ZNF226: variants seen among roughly 807,000 people sequenced by gnomAD.
ZNF226 encodes zinc finger protein 226.
ZNF226 carries 6 observed loss-of-function variants against 11.4 expected under a neutral mutation model. The ratio of observed to expected loss-of-function variants is 0.53; its 90% CI spans 0.29 to 1.04. The LOEUF is 1.04. Ranked by LOEUF, ZNF226 falls within the 50% of genes least tolerant of loss-of-function variation. The pLI is 0.08. For missense variants in ZNF226, 1,058 were observed against 956.5 expected, an observed-to-expected ratio of 1.11 and a Z score of -1.40; for synonymous variants, 350 against 322.8, an observed-to-expected ratio of 1.08 and a Z score of -0.90.
Position 44,170,067 on chromosome 19 carries a change from A to C in ZNF226, c.-14A>C. 1.9e-6 allele frequency: 3 copies of C among 1,611,166 alleles called. No homozygotes were observed. Among genetic ancestry groups the C allele is most frequent in the Non-Finnish European group, 2.5e-6 (3 of 1,178,550 alleles). On this transcript the variant is annotated 5_prime_UTR_variant, in exon 3 of 6. Transcript: ENST00000337433. The stretch of plus-strand genomic sequence containing the variant: ...TCTTAGGACTCTGCACTTCCCCAGA[A>C]GGAAGAATTAAAAATGAATATGTTC...
intron 2 of ZNF226, chr19:44,169,525 G>A (rs1969827445): frequency 6.6e-6 from 1 of 152,200 alleles, no homozygotes; most frequent in African/African-American, 2.4e-5. Flanking sequence ...ATATTTTTAA[G>A]GATAATTTCA....
At chr19:44,170,006 TTTTGA>T (rs1299938258) in intron 2 of ZNF226, 24 bp from the exon 3 acceptor site, 3 of 1,518,042 alleles carry the variant, frequency 2.0e-6, no homozygotes, top group African/African-American at 2.8e-5. Flanking sequence ...ACTTACCCAG[TTTTGA>T]TTTATTTCTC....
downstream of ZNF226, among the ~76,000 whole-genome samples, chr19:44,180,388 C>T (rs1304798877): frequency 6.6e-6 from 1 of 152,158 alleles, no homozygotes; most frequent in African/African-American, 2.4e-5. Flanking sequence ...GATTACAATT[C>T]CTGTTGTTCC....
chr19:44,171,364 C>T (rs919029975), intron 3 of ZNF226, among the ~76,000 whole-genome samples: 2 of 152,164 alleles, frequency 1.3e-5, no homozygotes, highest in East Asian at 3.8e-4. Flanking sequence ...GAGCTAGATT[C>T]TGTCTTCCCC....
chr19:44,174,300 G>C (rs1217645565), intron 5 of ZNF226: 1 of 152,232 alleles, frequency 6.6e-6, no homozygotes, highest in Non-Finnish European at 1.5e-5. Context: ...ATATTCATTC[G>C]GGGAGGGAAT....
At chr19:44,179,946 G>A (rs1027169087), downstream of ZNF226, among the ~76,000 whole-genome samples, 1 of 151,784 alleles carries the variant, frequency 6.6e-6, no homozygotes, top group Non-Finnish European at 1.5e-5. Flanking sequence ...AACTAGTCGG[G>A]TGAGGTGATG....
chr19:44,189,842 G>A, the ZNF226 span, among the ~76,000 whole-genome samples: 98 of 152,328 alleles, frequency 6.4e-4, 5 homozygotes, highest in East Asian at 0.012. Flanking sequence ...AATGTCTCTC[G>A]TTATAGCATC....
the ZNF226 span, among the ~76,000 whole-genome samples, chr19:44,191,924 G>C: frequency 1.3e-5 from 2 of 152,150 alleles, no homozygotes; most frequent in Non-Finnish European, 2.9e-5. Flanking sequence ...AAAACCCCTT[G>C]TGATTGCTTC....
In ZNF226 at chr19:44,172,221, A is replaced by G; in HGVS notation, c.142+7A>G. Reference sequence around the variant, plus strand: ...AGGAACCTGCTGTCAGTGGGTGAGGACAGCCTCCCTCTGGAATATCTTTGT... The same window carrying G: ...AGGAACCTGCTGTCAGTGGGTGAGGGCAGCCTCCCTCTGGAATATCTTTGT... On this transcript the variant is annotated splice_region_variant and intron_variant, in intron 4 of 5. Transcript: ENST00000337433. The G allele has an allele frequency of 6.2e-7, 1 of 1,609,404 alleles. No homozygotes were observed. Among genetic ancestry groups the G allele is most frequent in the Non-Finnish European group, 8.5e-7 (1 of 1,177,148 alleles).
Position 44,176,133 on chromosome 19 carries a change from T to TA in ZNF226, c.872dup (p.Tyr291Ter), listed in dbSNP as rs1412001046. Reference protein sequence around the residue: ...TCVERGKGFCYSPVLPVHQKV... With the variant: ...TCVERGKGFC ...TGTTGAGCGTGGAAAAGGCTTCTGT[T>TA]ACAGCCCAGTTCTTCCTGTTCATCA... The change falls in exon 6 of 6, where the codon TAC becomes TAAC. Residue 291 changes from tyrosine (Y) to a stop codon, truncating the protein, a stop_gained and frameshift_variant. Transcript: ENST00000337433. LOFTEE classifies it low-confidence loss of function (END_TRUNC). The TA allele has an allele frequency of 1.2e-6, 2 of 1,614,058 alleles. No individual in the cohort carries two copies. The highest frequency in any genetic ancestry group is 1.7e-6 in the Non-Finnish European group (2 of 1,180,028).
the ZNF226 span, among the ~76,000 whole-genome samples, chr19:44,190,792 C>T: frequency 6.6e-6 from 1 of 152,060 alleles, no homozygotes; most frequent in Non-Finnish European, 1.5e-5. Flanking sequence ...CAAGGAGGTA[C>T]AGATTCATAC....
intron 5 of ZNF226, 62 bp from the exon 6 acceptor site, chr19:44,175,436 G>C (rs1970585583): frequency 6.6e-7 from 1 of 1,518,232 alleles, no homozygotes; most frequent in Admixed American, 2.3e-5. Context: ...TGTCCTCAGT[G>C]TGAAATCTTA....
At chr19:44,173,974 A>G (rs1400493267) in intron 5 of ZNF226, 5 of 152,218 alleles carry the variant, frequency 3.3e-5, no homozygotes, top group Non-Finnish European at 7.3e-5. Context: ...GAATAGTCCT[A>G]GTATATGGCA....
chr19:44,170,639 C>T (rs1568565157), intron 3 of ZNF226, among the ~76,000 whole-genome samples: 1 of 152,186 alleles, frequency 6.6e-6, no homozygotes, highest in Non-Finnish European at 1.5e-5. Context: ...GAGGCTGAGG[C>T]AGGAGAATGG....
downstream of ZNF226, among the ~76,000 whole-genome samples, chr19:44,181,217 A>G (rs1471879758): frequency 6.6e-6 from 1 of 152,084 alleles, no homozygotes; most frequent in Non-Finnish European, 1.5e-5. Context: ...TGTCTCTCCA[A>G]AAAAAGTTTT....
Position 44,169,999 on chromosome 19 carries a change from T to TA in ZNF226, c.-46-35dup, listed in dbSNP as rs1293611065. 10 of 1,478,496 alleles carry TA rather than the reference T, an allele frequency of 6.8e-6. No individual in the cohort carries two copies. The Admixed American group carries it at 8.1e-5, about 12-fold the overall frequency. The allele number at this position is 1,478,496 out of a possible 1,614,324, so 91.6% of individuals were successfully genotyped here. On this transcript the variant is annotated intron_variant, in intron 2 of 5. Transcript: ENST00000337433. ...CAGCCACGTGCATTAGCAACATACT[T>TA]ACCCAGTTTTGATTTATTTCTCTCT... is the stretch of plus-strand genomic sequence containing the variant.
At chr19:44,177,996 ATATACT>A (rs1568576014), downstream of ZNF226, 1 of 210,318 alleles carries the variant, frequency 4.8e-6, no homozygotes, top group African/African-American at 2.3e-5. Flanking sequence ...TACCATTGCC[ATATACT>A]TCACAGGTGC....
In ZNF226 at chr19:44,177,047, A is replaced by T; in HGVS notation, c.1785A>T (p.Gly595=). Residue 595 remains glycine (G), a synonymous_variant, in exon 6 of 6, where the codon GGA becomes GGT. Transcript: ENST00000337433. Reference sequence around the variant, plus strand: ...ACAAATGTGAAGAGTGTGGCAAGGGATTTAGTCGTAGAGCAGATCTTAAAA... The same window carrying T: ...ACAAATGTGAAGAGTGTGGCAAGGGTTTTAGTCGTAGAGCAGATCTTAAAA... The part of the protein sequence containing the change: ...KPYKCEECGK[G]FSRRADLKIH... 1 of 1,613,164 alleles carries T rather than the reference A, an allele frequency of 6.2e-7. No individual in the cohort carries two copies. The highest frequency in any genetic ancestry group is 2.2e-5 in the East Asian group (1 of 44,758).
the ZNF226 span, among the ~76,000 whole-genome samples, chr19:44,195,550 G>A: frequency 2.0e-5 from 3 of 152,202 alleles, no homozygotes; most frequent in African/African-American, 7.2e-5. Flanking sequence ...AAGAAGTGAG[G>A]AGGGTTACAT....
Sources: gnomAD v4.1 joint callset for allele counts (sites outside exome capture counted in the v4.1 genomes callset) on GRCh38, gnomAD v4.1.1 for gene constraint, MANE v1.5 for transcripts, NCBI Gene and HGNC (gene_info 2026-07-23, HGNC 2026-07-21) for gene names.